ASTN2: variants seen among roughly 807,000 people sequenced by gnomAD.
ASTN2 encodes astrotactin 2.
ASTN2 carries 54 observed loss-of-function variants against 139.8 expected under a neutral mutation model. That is an observed-to-expected ratio of 0.39 (90% CI 0.31 to 0.48). The LOEUF is 0.48. Among genes scored for constraint, ASTN2 ranks in the 20% least tolerant of loss-of-function variants. The pLI is 0.95. For missense variants in ASTN2, 1,565 were observed against 1,725.1 expected (o/e 0.91, Z 1.64); for synonymous variants, 756 against 719.5 (o/e 1.05, Z -0.81).
rs79404103 is a variant in ASTN2, at chr9:116,805,656, C to G, written c.2372G>C (p.Gly791Ala). Residue 791 changes from glycine to alanine, a missense_variant, in exon 13 of 23, where the codon GGC becomes GCC. By Grantham distance (60) the Gly-to-Ala change is moderately conservative. Coordinates refer to ENST00000313400, the MANE Select transcript of ASTN2 (RefSeq NM_001365068.1). Reference sequence around the variant, plus strand: ...CCTAAAGGTCATCTGGAAGACTTGGCCTTGGTTCACATGCTGGGTCCGGTT... The same window carrying G: ...CCTAAAGGTCATCTGGAAGACTTGGGCTTGGTTCACATGCTGGGTCCGGTT... ...YNNRTQHVNQ[G>A]QVFQMTFREN... The G allele has an allele frequency of 1.2e-6, 2 of 1,613,830 alleles. No homozygotes were observed. The highest frequency in any genetic ancestry group is 1.1e-5 in the South Asian group (1 of 91,038).
At chr9:116,861,362 G>A (rs1180612837) in intron 11 of ASTN2, among the ~76,000 whole-genome samples, 3 of 152,132 alleles carry the variant, frequency 2.0e-5, no homozygotes, top group Non-Finnish European at 4.4e-5. Flanking sequence ...AGAGGAAAGA[G>A]GCAGACAACT....
chr9:116,647,565 A>G (rs1857660199), intron 17 of ASTN2, among the ~76,000 whole-genome samples: 1 of 152,182 alleles, frequency 6.6e-6, no homozygotes, highest in African/African-American at 2.4e-5. Flanking sequence ...CTGCACAAAC[A>G]GGAAAGGCAC....
chr9:117,094,777 G>T (rs144532563), intron 5 of ASTN2, among the ~76,000 whole-genome samples: 1 of 152,302 alleles, frequency 6.6e-6, no homozygotes, highest in Non-Finnish European at 1.5e-5. Flanking sequence ...AATAATGTCT[G>T]ACTTATTTTG....
At chr9:116,530,892 CTT>C (rs779896895) in intron 19 of ASTN2, among the ~76,000 whole-genome samples, 64 of 152,264 alleles carry the variant, frequency 4.2e-4, no homozygotes, top group Non-Finnish European at 8.1e-4. Context: ...GACCATTTCT[CTT>C]TTTATTCCTT....
At position 116,774,313 on chromosome 9, in the gene ASTN2, T is replaced by C. The variant is rs1431191879; in HGVS notation, c.2396+31319A>G. Among the ~76,000 whole-genome samples, 16 of 152,302 alleles carry C rather than the reference T, an allele frequency of 1.1e-4. No homozygotes were observed. The East Asian group carries it at 3.1e-3, about 29-fold the overall frequency. On this transcript the variant is annotated intron_variant, in intron 13 of 22. Coordinates refer to ENST00000313400, the MANE Select transcript of ASTN2 (RefSeq NM_001365068.1). ...ATGGAAGAACAAGGACAAGAATCTG[T>C]ATCTCGTGCTTTCTATTCTACACAG... is the stretch of plus-strand genomic sequence containing the variant.
At position 116,642,545 on chromosome 9, in the gene ASTN2, C is replaced by G. The variant is rs143918637; in HGVS notation, c.3072+8983G>C. 5.3e-5 allele frequency among the ~76,000 whole-genome samples: 8 copies of G among 152,140 alleles called. No individual in the cohort carries two copies. In the South Asian group the frequency reaches 6.2e-4, roughly 12 times the overall value. On this transcript the variant is annotated intron_variant, in intron 17 of 22. Coordinates refer to ENST00000313400, the MANE Select transcript of ASTN2 (RefSeq NM_001365068.1). ...CTTCAGCCATCTCATACATATACCC[C>G]CCATCTAACTGACACTGACCCTCTT...
At chr9:116,666,077 A>G (rs1294653697) in intron 16 of ASTN2, among the ~76,000 whole-genome samples, 1 of 152,226 alleles carries the variant, frequency 6.6e-6, no homozygotes, top group Admixed American at 6.5e-5. Flanking sequence ...AATTTCTAAT[A>G]AAAGAATAGA....
At chr9:116,746,589 A>G (rs531986285) in intron 13 of ASTN2, among the ~76,000 whole-genome samples, 1 of 152,178 alleles carries the variant, frequency 6.6e-6, no homozygotes, top group Non-Finnish European at 1.5e-5. Flanking sequence ...TAACTTATTC[A>G]TGGGTTCCAG....
Position 116,698,051 on chromosome 9 carries a change from T to C in ASTN2, c.2806+27720A>G. Reference sequence around the variant, plus strand: ...TGGGGCTGCTCATGTGTCGGTCCTGTGGGCGGCGTCTGCCCCGGCAATTCT... The same window carrying C: ...TGGGGCTGCTCATGTGTCGGTCCTGCGGGCGGCGTCTGCCCCGGCAATTCT... On this transcript the variant is annotated intron_variant, in intron 16 of 22. Coordinates refer to ENST00000313400, the MANE Select transcript of ASTN2 (RefSeq NM_001365068.1). The surrounding 1 kb of genome is among the most constrained non-coding windows in gnomAD (Gnocchi z 4.4). The C allele has an allele frequency of 6.2e-7, 1 of 1,613,950 alleles. No homozygotes were observed. The highest frequency in any genetic ancestry group is 8.5e-7 in the Non-Finnish European group (1 of 1,180,014).
intron 3 of ASTN2, among the ~76,000 whole-genome samples, chr9:117,189,036 G>C (rs1378584859): frequency 6.6e-6 from 1 of 152,154 alleles, no homozygotes; most frequent in African/African-American, 2.4e-5. Context: ...ACCTGGGACA[G>C]TGGGTAGAAG....
intron 1 of ASTN2, among the ~76,000 whole-genome samples, chr9:117,318,359 G>T (rs187933280): frequency 1.1e-3 from 172 of 152,222 alleles, no homozygotes; most frequent in Non-Finnish European, 2.1e-3. Context: ...AGGTATTATG[G>T]TCATTATTAT....
intron 7 of ASTN2, among the ~76,000 whole-genome samples, chr9:116,979,141 C>CCCAGCA (rs1383858027): frequency 3.9e-5 from 6 of 152,100 alleles, no homozygotes; most frequent in African/African-American, 1.4e-4. Context: ...TCTTTGTATT[C>CCCAGCA]CCAGCACCCA....
intron 5 of ASTN2, among the ~76,000 whole-genome samples, chr9:117,082,129 G>C (rs1036657228): frequency 6.6e-6 from 1 of 152,108 alleles, no homozygotes; most frequent in Non-Finnish European, 1.5e-5. Context: ...CCCTCAACTA[G>C]AACACTCCTG....
At chr9:116,667,927 G>A (rs1166067288) in intron 16 of ASTN2, among the ~76,000 whole-genome samples, 1 of 146,166 alleles carries the variant, frequency 6.8e-6, no homozygotes, top group African/African-American at 2.5e-5. Context: ...ATAAACACTT[G>A]AAGTCCAAAA....
At chr9:116,482,421 G>A (rs777871981) in intron 20 of ASTN2, among the ~76,000 whole-genome samples, 44 of 152,148 alleles carry the variant, frequency 2.9e-4, no homozygotes, top group Non-Finnish European at 6.0e-4. Context: ...AATGGTTCCT[G>A]GCACATAGTG....
At chr9:117,345,521 A>G (rs112567502) in intron 1 of ASTN2, among the ~76,000 whole-genome samples, 95 of 152,250 alleles carry the variant, frequency 6.2e-4, no homozygotes, top group African/African-American at 2.2e-3. Flanking sequence ...AGAGATGACG[A>G]TCTTGCCCAA....
chr9:116,896,975 C>T (rs963961177), intron 10 of ASTN2, among the ~76,000 whole-genome samples: 2 of 152,142 alleles, frequency 1.3e-5, no homozygotes, highest in Non-Finnish European at 2.9e-5. Flanking sequence ...AACTCGATCT[C>T]GTTATGGTCT....
intron 4 of ASTN2, among the ~76,000 whole-genome samples, chr9:117,100,364 C>T (rs899725237): frequency 1.3e-5 from 2 of 152,180 alleles, no homozygotes; most frequent in East Asian, 3.8e-4. Flanking sequence ...AAATATAATG[C>T]AAACCACATA....
At chr9:116,574,919 A>G (rs534715346) in intron 19 of ASTN2, among the ~76,000 whole-genome samples, 2 of 152,300 alleles carry the variant, frequency 1.3e-5, no homozygotes, top group African/African-American at 4.8e-5. Context: ...ATGAAAGACA[A>G]TGTACAGCAG....
Sources: allele counts gnomAD v4.1 joint callset (sites outside exome capture counted in the v4.1 genomes callset), GRCh38; gene constraint gnomAD v4.1.1; non-coding constraint Gnocchi (gnomAD v3.1); transcripts MANE v1.5; gene names NCBI Gene and HGNC (gene_info 2026-07-23, HGNC 2026-07-21).